Variants in TRIM24 observed in about 807,000 individuals in gnomAD.
TRIM24 encodes tripartite motif containing 24.
A neutral mutation model predicts 123.9 loss-of-function variants in TRIM24; 29 were observed. The observed-to-expected ratio is 0.23, with a 90% CI of 0.17 to 0.32. The LOEUF (loss-of-function observed/expected upper bound fraction) is 0.32, where lower values mean the gene tolerates loss of function less well. TRIM24 is among the 10% of genes least tolerant of loss of function. The probability of loss-of-function intolerance (pLI) is 1.00; values close to 1 mark genes in which losing one functional copy is unlikely to be tolerated. For synonymous variants in TRIM24, 456 were observed against 461.1 expected (o/e 0.99, Z 0.14); for missense variants, 932 against 1,295.3 (o/e 0.72, Z 4.31).
At chr7:138,531,679 C>T (rs531654826) in intron 6 of TRIM24, among the ~76,000 whole-genome samples, 205 of 152,192 alleles carry the variant, frequency 1.3e-3, no homozygotes, top group Middle Eastern at 3.4e-3. Flanking sequence ...AATAAACATA[C>T]GTGTGCATGT....
intron 1 of TRIM24, chr7:138,461,279 C>T (rs1299247380): frequency 3.6e-6 from 2 of 561,794 alleles, no homozygotes; most frequent in Non-Finnish European, 6.9e-6. Flanking sequence ...TACCCGCCCG[C>T]TGCCTCCACA....
intron 1 of TRIM24, among the ~76,000 whole-genome samples, chr7:138,483,139 C>T (rs1795567092): frequency 6.6e-6 from 1 of 151,974 alleles, no homozygotes; most frequent in Admixed American, 6.6e-5. Flanking sequence ...AGGCTGGTGT[C>T]AAATCCCTAC....
rs71177997 is a variant in TRIM24, at chr7:138,578,920, G to GTATATATATATATA, written c.2257-279_2257-266dup. Among the ~76,000 whole-genome samples, 241 of 146,418 alleles carry GTATATATATATATA rather than the reference G, an allele frequency of 1.6e-3. 1 individual carries two copies. Among genetic ancestry groups the GTATATATATATATA allele is most frequent in the African/African-American group, 5.8e-3 (232 of 39,790 alleles). ...AATTTGAATGAACAGCTCCAGTGAG[G>GTATATATATATATA]TATATATATATATATATAGGTCATG... On this transcript the variant is annotated intron_variant, in intron 14 of 18. Transcript: ENST00000343526.
Position 138,545,163 on chromosome 7 carries a change from C to CGTGT in TRIM24, c.1144-5881_1144-5878dup, listed in dbSNP as rs3073156. 2.5e-3 allele frequency among the ~76,000 whole-genome samples: 381 copies of CGTGT among 149,476 alleles called. 1 individual carries two copies. The highest frequency in any genetic ancestry group is 3.6e-3 in the Admixed American group (54 of 14,956). ...CAATATACATAATACATAAAATCTG[C>CGTGT]GTGTGTGTGTGTGTGTGTGTGTATC... On this transcript the variant is annotated intron_variant, in intron 7 of 18. Transcript: ENST00000343526.
intron 9 of TRIM24, 114 bp from the exon 10 acceptor site, chr7:138,567,367 T>G: frequency 1.0e-6 from 1 of 968,568 alleles, no homozygotes; most frequent in Non-Finnish European, 1.4e-6. Context: ...TCTTAATAAT[T>G]GATTGATCTG....
intron 7 of TRIM24, among the ~76,000 whole-genome samples, chr7:138,548,074 A>G (rs28707292): frequency 0.018 from 2,777 of 152,282 alleles, 70 homozygotes; most frequent in African/African-American, 0.061. Context: ...GAGATGGAGC[A>G]GGTTATAGGA....
chr7:138,499,807 T>G (rs963560341), intron 1 of TRIM24, among the ~76,000 whole-genome samples: 3 of 140,994 alleles, frequency 2.1e-5, no homozygotes, highest in African/African-American at 5.4e-5. Flanking sequence ...TAGCATTCTG[T>G]TTTTTTTTTT....
chr7:138,554,522 A>G lies in TRIM24; in HGVS notation c.1262-176A>G, dbSNP rs913664542. Among the ~76,000 whole-genome samples the G allele has an allele frequency of 3.3e-5, 5 of 152,220 alleles. No homozygotes were observed. Among genetic ancestry groups the G allele is most frequent in the African/African-American group, 1.2e-4 (5 of 41,460 alleles). On this transcript the variant is annotated intron_variant, in intron 8 of 18. Coordinates refer to ENST00000343526, the MANE Select transcript of TRIM24 (RefSeq NM_015905.3). The surrounding 1 kb of genome is among the most constrained non-coding windows in gnomAD (Gnocchi z 4.5). Reference sequence around the variant, plus strand: ...ATTTCTAATATTATAAATGTTGATGACTAGAAGTTAGATGAACAAAAGCTG... The same window carrying G: ...ATTTCTAATATTATAAATGTTGATGGCTAGAAGTTAGATGAACAAAAGCTG...
At position 138,502,757 on chromosome 7, in the gene TRIM24, A is replaced by G. The variant is rs77305106; in HGVS notation, c.365-1533A>G. On this transcript the variant is annotated intron_variant, in intron 1 of 18. Transcript: ENST00000343526. The stretch of plus-strand genomic sequence containing the variant: ...GACATCTTTCCAGATTTTAAGTATT[A>G]ATTCTTTGCCAGTACTGTGTGTTTA... Among the ~76,000 whole-genome samples the G allele has an allele frequency of 2.6e-5, 4 of 152,272 alleles. No homozygotes were observed. In the East Asian group the frequency reaches 5.8e-4, roughly 22 times the overall value.
At chr7:138,536,408 T>C (rs1479515472) in intron 6 of TRIM24, among the ~76,000 whole-genome samples, 1 of 152,230 alleles carries the variant, frequency 6.6e-6, no homozygotes, top group Admixed American at 6.5e-5. Context: ...TGGATGTCCT[T>C]TCTGTTTGTT....
rs146607424 is a variant in TRIM24 at position 138,573,888 on chromosome 7, C to A, written c.2014+246C>A. Among the ~76,000 whole-genome samples, 1,040 of 152,290 alleles carry A rather than the reference C, an allele frequency of 6.8e-3. 15 individuals carry two copies. Among genetic ancestry groups the A allele is most frequent in the African/African-American group, 0.024 (983 of 41,554 alleles). On this transcript the variant is annotated intron_variant, in intron 12 of 18. Coordinates refer to ENST00000343526, the MANE Select transcript of TRIM24 (RefSeq NM_015905.3). ...GCGATCATAGCTCACTGCAGACTCA[C>A]TCCTGAGCTCAAGCGATCTCCCACC...
At chr7:138,520,326 T>C (rs957942406) in intron 4 of TRIM24, among the ~76,000 whole-genome samples, 1 of 152,224 alleles carries the variant, frequency 6.6e-6, no homozygotes, top group Admixed American at 6.5e-5. Context: ...GCTCAGCAAC[T>C]AAAATTGGAT....
Position 138,460,831 on chromosome 7 carries a change from A to G in TRIM24, c.283A>G (p.Met95Val). The G allele has an allele frequency of 6.3e-7, 1 of 1,576,032 alleles. No individual in the cohort carries two copies. Among genetic ancestry groups the G allele is most frequent in the Non-Finnish European group, 8.6e-7 (1 of 1,167,154 alleles). ...GCGCTACCTCATGCTGCCCGCGCCC[A>G]TGCTGGGCTCGGCCGAGACCCCGCC... ...PQRYLMLPAP[M>V]LGSAETPPPV... The change falls in exon 1 of 19, where the codon ATG becomes GTG. Residue 95 changes from methionine to valine, a missense_variant. Physicochemically the swap from Met to Val is conservative, Grantham distance 21 (BLOSUM62 1). Transcript: ENST00000343526.
At chr7:138,545,026 A>T (rs1267658338) in intron 7 of TRIM24, among the ~76,000 whole-genome samples, 2 of 152,188 alleles carry the variant, frequency 1.3e-5, no homozygotes, top group African/African-American at 4.8e-5. Flanking sequence ...TCATGCACAA[A>T]ATTATTAGAA....
At chr7:138,496,778 GGCATGA>G (rs1795917004) in intron 1 of TRIM24, among the ~76,000 whole-genome samples, 1 of 151,966 alleles carries the variant, frequency 6.6e-6, no homozygotes, top group African/African-American at 2.4e-5. Context: ...TGGGATTTCA[GGCATGA>G]GCCTCTGTGC....
At chr7:138,567,300 T>C (rs1228975068) in intron 9 of TRIM24, among the ~76,000 whole-genome samples, 181 bp from the exon 10 acceptor site, 1 of 152,194 alleles carries the variant, frequency 6.6e-6, no homozygotes, top group Non-Finnish European at 1.5e-5. Flanking sequence ...TTAAAAAAGT[T>C]GTTTACACAA....
intron 1 of TRIM24, among the ~76,000 whole-genome samples, chr7:138,479,881 G>A (rs564258086): frequency 6.6e-6 from 1 of 151,810 alleles, no homozygotes; most frequent in South Asian, 2.1e-4. Flanking sequence ...GTGCAATGGT[G>A]CGAGCTCAGC....
chr7:138,585,169 T>C lies in TRIM24; in HGVS notation c.*218T>C. The C allele has an allele frequency of 2.7e-6, 1 of 364,384 alleles. No homozygotes were observed. 22.6% of individuals were successfully genotyped at this position (364,384 alleles called of 1,614,324 possible). A position where few individuals can be genotyped will look rare whatever the true frequency, so the allele number is the denominator to read the frequency against. On this transcript the variant is annotated 3_prime_UTR_variant, in exon 19 of 19. Coordinates refer to ENST00000343526, the MANE Select transcript of TRIM24 (RefSeq NM_015905.3). ...AAGGAGATGAATAGAAGAAAGAAAA[T>C]GGAAAGAAGGAAAAAAGGAGGATAG... is the stretch of plus-strand genomic sequence containing the variant.
chr7:138,504,121 G>A (rs1262410165), intron 1 of TRIM24, among the ~76,000 whole-genome samples, 169 bp from the exon 2 acceptor site: 1 of 152,144 alleles, frequency 6.6e-6, no homozygotes, highest in African/African-American at 2.4e-5. Flanking sequence ...CATGTGTGAT[G>A]TATAGATAAA....
Sources: allele counts gnomAD v4.1 joint callset (sites outside exome capture counted in the v4.1 genomes callset), GRCh38; gene constraint gnomAD v4.1.1; non-coding constraint Gnocchi (gnomAD v3.1); transcripts MANE v1.5; gene names NCBI Gene and HGNC (gene_info 2026-07-23, HGNC 2026-07-21).